PCDHGA11: variants seen among roughly 807,000 people sequenced by gnomAD.
PCDHGA11 encodes protocadherin gamma subfamily A, 11.
PCDHGA11 carries 39 observed loss-of-function variants against 60.4 expected under a neutral mutation model. The observed-to-expected ratio is 0.65, with a 90% CI of 0.50 to 0.84. The LOEUF (loss-of-function observed/expected upper bound fraction) is 0.84, where lower values mean the gene tolerates loss of function less well. Among genes scored for constraint, PCDHGA11 ranks in the 40% least tolerant of loss-of-function variants. The pLI is 0.00. For synonymous variants in PCDHGA11, 533 were observed against 510.3 expected, an observed-to-expected ratio of 1.04 and a Z score of -0.60; for missense variants, 1,165 against 1,197.7, an observed-to-expected ratio of 0.97 and a Z score of 0.40.
chr5:141,484,864 A>G, intron 1 of PCDHGA11: 1 of 263,722 alleles, frequency 3.8e-6, no homozygotes, highest in Non-Finnish European at 7.2e-6. Context: ...GGGGTGGGGG[A>G]GCGTGGAGGA....
rs115990854 is a variant in PCDHGA11 at position 141,433,033 on chromosome 5, C to T, written c.2433+9373C>T. On this transcript the variant is annotated intron_variant, in intron 1 of 3. Coordinates refer to ENST00000398587, the MANE Select transcript of PCDHGA11 (RefSeq NM_018914.3). ...TGCAGACCTATTCCCACGAGGTTTC[C>T]CTCACCACGGACTCGCGGAAGAGTC... The T allele has an allele frequency of 6.4e-3, 10,342 of 1,614,162 alleles. 43 individuals are homozygous for T. The highest frequency in any genetic ancestry group is 8.6e-3 in the Middle Eastern group (52 of 6,062).
chr5:141,462,036 G>A (rs760555655), intron 1 of PCDHGA11, among the ~76,000 whole-genome samples: 5 of 151,978 alleles, frequency 3.3e-5, no homozygotes, highest in African/African-American at 7.3e-5. Flanking sequence ...TTGGTCAGGC[G>A]GGTCTTGAAC....
intron 1 of PCDHGA11, among the ~76,000 whole-genome samples, chr5:141,474,643 CCTTA>C (rs1474125632): frequency 1.3e-5 from 2 of 152,134 alleles, no homozygotes; most frequent in Admixed American, 1.3e-4. Flanking sequence ...TCCTATATAT[CCTTA>C]CTTCTTTTCT....
chr5:141,507,781 C>A (rs2099863256), intron 3 of PCDHGA11, among the ~76,000 whole-genome samples: 1 of 152,214 alleles, frequency 6.6e-6, no homozygotes, highest in South Asian at 2.1e-4. Flanking sequence ...CAGGGCCTGA[C>A]CCTCGTCTAA....
chr5:141,501,132 G>T (rs371444727), intron 2 of PCDHGA11, among the ~76,000 whole-genome samples: 2 of 152,262 alleles, frequency 1.3e-5, no homozygotes, highest in East Asian at 3.9e-4. Flanking sequence ...CTCCCTAAGT[G>T]CTGGGATTAC....
At chr5:141,441,797 G>T in intron 1 of PCDHGA11, 1 of 386,536 alleles carries the variant, frequency 2.6e-6, no homozygotes, top group Non-Finnish European at 5.2e-6. Context: ...ACAACGCACC[G>T]CGGGTGCTGT....
At position 141,490,221 on chromosome 5, in the gene PCDHGA11, G is replaced by A; in HGVS notation, c.2434-4586G>A. 6.2e-7 allele frequency: 1 copy of A among 1,614,236 alleles called. No individual in the cohort carries two copies. The highest frequency in any genetic ancestry group is 1.1e-5 in the South Asian group (1 of 91,084). ...ATGCAAGAGCCCGTGACCAGGGACAGCCTGCCATGGAGGGCCACTGTGTGA... is the reference window on the plus strand; with the variant it reads ...ATGCAAGAGCCCGTGACCAGGGACAACCTGCCATGGAGGGCCACTGTGTGA... On this transcript the variant is annotated intron_variant, in intron 1 of 3. Transcript: ENST00000398587. The surrounding 1 kb of genome is among the most constrained non-coding windows in gnomAD (Gnocchi z 5.4).
At chr5:141,464,343 A>T (rs944042669) in intron 1 of PCDHGA11, among the ~76,000 whole-genome samples, 1 of 151,308 alleles carries the variant, frequency 6.6e-6, no homozygotes, top group South Asian at 2.1e-4. Flanking sequence ...ATGACTTGTC[A>T]TTTAGGTAGT....
At position 141,477,137 on chromosome 5, in the gene PCDHGA11, G is replaced by A; in HGVS notation, c.2434-17670G>A. 1 of 1,614,200 alleles carries A rather than the reference G, an allele frequency of 6.2e-7. No individual in the cohort carries two copies. The highest frequency in any genetic ancestry group is 8.5e-7 in the Non-Finnish European group (1 of 1,180,050). On this transcript the variant is annotated intron_variant, in intron 1 of 3. Coordinates refer to ENST00000398587, the MANE Select transcript of PCDHGA11 (RefSeq NM_018914.3). The surrounding 1 kb of genome is among the most constrained non-coding windows in gnomAD (Gnocchi z 4.9). ...AGGAGCACATTGCAAAGTGTTGGTG[G>A]AGGTTGTGGATGTGAATGACAACGC...
At chr5:141,428,136 G>A in intron 1 of PCDHGA11, 2 of 1,600,778 alleles carry the variant, frequency 1.2e-6, no homozygotes, top group South Asian at 1.1e-5. Flanking sequence ...TTTCAGCCTG[G>A]GGCTGCACAC....
At chr5:141,445,427 C>G (rs964779092) in intron 1 of PCDHGA11, among the ~76,000 whole-genome samples, 4 of 152,152 alleles carry the variant, frequency 2.6e-5, no homozygotes, top group African/African-American at 9.7e-5. Flanking sequence ...ATATGCAAGG[C>G]ACTGACCTAT....
chr5:141,452,015 C>T (rs2098730990), intron 1 of PCDHGA11, among the ~76,000 whole-genome samples: 1 of 152,306 alleles, frequency 6.6e-6, no homozygotes, highest in African/African-American at 2.4e-5. Context: ...GTCCAGCCCA[C>T]ACTCTGGGGA....
At chr5:141,499,331 TCA>T (rs2099791249) in intron 2 of PCDHGA11, among the ~76,000 whole-genome samples, 1 of 152,220 alleles carries the variant, frequency 6.6e-6, no homozygotes, top group African/African-American at 2.4e-5. Context: ...CTGCTCTCTC[TCA>T]GTTTGGGCAG....
At chr5:141,462,996 G>A (rs2099050826) in intron 1 of PCDHGA11, among the ~76,000 whole-genome samples, 1 of 152,082 alleles carries the variant, frequency 6.6e-6, no homozygotes, top group South Asian at 2.1e-4. Flanking sequence ...GGCTAATTTA[G>A]ACCTACCACT....
rs1298448753 is a variant in PCDHGA11 at position 141,486,417 on chromosome 5, G to A, written c.2434-8390G>A. 1 of 1,614,132 alleles carries A rather than the reference G, an allele frequency of 6.2e-7. No individual in the cohort carries two copies. Among genetic ancestry groups the A allele is most frequent in the Non-Finnish European group, 8.5e-7 (1 of 1,179,998 alleles). ...CTGGTGACTGCTGGACCCTTGGATC[G>A]AGAGGCCAAATCTAGCTATGACATC... On this transcript the variant is annotated intron_variant, in intron 1 of 3. Transcript: ENST00000398587. The surrounding 1 kb of genome is among the most constrained non-coding windows in gnomAD (Gnocchi z 5.0).
At chr5:141,500,562 T>A (rs2099801387) in intron 2 of PCDHGA11, among the ~76,000 whole-genome samples, 1 of 152,202 alleles carries the variant, frequency 6.6e-6, no homozygotes, top group Admixed American at 6.5e-5. Flanking sequence ...CACAAACTTG[T>A]CACACTTTCA....
chr5:141,508,627 C>T (rs566012494), intron 3 of PCDHGA11, among the ~76,000 whole-genome samples: 1 of 152,262 alleles, frequency 6.6e-6, no homozygotes, highest in South Asian at 2.1e-4. Flanking sequence ...GTGGGCCGAG[C>T]TTCTAGCTAC....
rs191916514 is a variant in PCDHGA11, at chr5:141,456,716, G to A, written c.2433+33056G>A. 3.9e-3 allele frequency among the ~76,000 whole-genome samples: 589 copies of A among 152,314 alleles called. 5 individuals carry two copies. Among genetic ancestry groups the A allele is most frequent in the Admixed American group, 0.011 (169 of 15,300 alleles). On this transcript the variant is annotated intron_variant, in intron 1 of 3. Transcript: ENST00000398587. ...GTGGTGGCTCGCGCCTGTAATCCCA[G>A]CACTTTGGGAGGCTGAGGCGGGAGC...
intron 1 of PCDHGA11, among the ~76,000 whole-genome samples, chr5:141,442,736 A>C (rs2098340663): frequency 6.6e-6 from 1 of 152,226 alleles, no homozygotes; most frequent in African/African-American, 2.4e-5. Flanking sequence ...CCTGTAGGTA[A>C]GGAGCATGTT....
Sources: allele counts gnomAD v4.1 joint callset (sites outside exome capture counted in the v4.1 genomes callset), GRCh38; gene constraint gnomAD v4.1.1; non-coding constraint Gnocchi (gnomAD v3.1); transcripts MANE v1.5; gene names NCBI Gene and HGNC (gene_info 2026-07-23, HGNC 2026-07-21).